The following ZFAT variants were observed in gnomAD, a reference collection of about 807,000 sequenced individuals.
ZFAT encodes the protein zinc finger protein ZFAT.
Under a neutral mutation model 117.7 loss-of-function variants are expected in ZFAT, and 64 were observed. The observed-to-expected ratio is 0.54, with a 90% CI of 0.44 to 0.67. ZFAT has a LOEUF of 0.67. ZFAT is among the 30% of genes least tolerant of loss of function. The probability of loss-of-function intolerance (pLI) is 0.00; values close to 1 mark genes in which losing one functional copy is unlikely to be tolerated. For missense variants in ZFAT, 1,433 were observed against 1,584.5 expected (o/e 0.90, Z 1.62); for synonymous variants, 679 against 615.0 (o/e 1.10, Z -1.54).
chr8:134,518,037 G>A (rs1820375124), intron 13 of ZFAT, among the ~76,000 whole-genome samples: 1 of 152,142 alleles, frequency 6.6e-6, no homozygotes. Context: ...GAGATATTCA[G>A]AGTTTATGTG....
chr8:134,735,677 TTG>T, the ZFAT span, among the ~76,000 whole-genome samples: 2 of 152,148 alleles, frequency 1.3e-5, no homozygotes, highest in African/African-American at 4.8e-5. Flanking sequence ...GTGAGTGGGA[TTG>T]TGTTTCATTT....
upstream of ZFAT, among the ~76,000 whole-genome samples, chr8:134,718,003 A>T (rs902332872): frequency 2.0e-5 from 3 of 152,118 alleles, no homozygotes; most frequent in South Asian, 2.1e-4. Flanking sequence ...TGTAATAACA[A>T]CTGTTTTTAC....
chr8:134,580,818 T>C (rs958880792), intron 10 of ZFAT, among the ~76,000 whole-genome samples: 10 of 151,926 alleles, frequency 6.6e-5, no homozygotes, highest in South Asian at 2.1e-4. Context: ...CTAAAATAAA[T>C]TGCAAGAATA....
At chr8:134,572,161 G>A (rs980227773) in intron 10 of ZFAT, among the ~76,000 whole-genome samples, 3 of 152,128 alleles carry the variant, frequency 2.0e-5, no homozygotes, top group African/African-American at 7.2e-5. Context: ...GTACAGCAAC[G>A]AAGAATTATT....
chr8:134,704,093 C>A (rs762137676), intron 1 of ZFAT, among the ~76,000 whole-genome samples: 1 of 152,088 alleles, frequency 6.6e-6, no homozygotes, highest in African/African-American at 2.4e-5. Flanking sequence ...TGTTAGACAG[C>A]AGGACCAGGA....
chr8:134,497,397 C>CCCG (rs1818536303), intron 15 of ZFAT, among the ~76,000 whole-genome samples: 1 of 152,132 alleles, frequency 6.6e-6, no homozygotes, highest in African/African-American at 2.4e-5. Flanking sequence ...GCAGGATGCC[C>CCCG]CTGCTGCTGG....
At chr8:134,637,819 A>T in intron 2 of ZFAT, 107 bp from the exon 3 acceptor site, 1 of 1,443,886 alleles carries the variant, frequency 6.9e-7, no homozygotes, top group Non-Finnish European at 9.2e-7. Flanking sequence ...GTTTCATTAA[A>T]AATGAAAAGT....
chr8:134,499,929 G>A (rs1818844925), intron 15 of ZFAT, among the ~76,000 whole-genome samples: 1 of 152,210 alleles, frequency 6.6e-6, no homozygotes, highest in Admixed American at 6.5e-5. Context: ...GGAGTAGGAA[G>A]GAGGGGGACA....
chr8:134,781,617 C>T, the ZFAT span, among the ~76,000 whole-genome samples: 7 of 152,152 alleles, frequency 4.6e-5, no homozygotes, highest in African/African-American at 1.2e-4. Flanking sequence ...TTGAACACCA[C>T]GGGTTTGAAA....
chr8:134,639,193 G>A (rs1830444032), intron 2 of ZFAT, among the ~76,000 whole-genome samples: 1 of 152,202 alleles, frequency 6.6e-6, no homozygotes, highest in Non-Finnish European at 1.5e-5. Flanking sequence ...GGCAGAGTCT[G>A]CAGGGACACA....
At chr8:134,509,809 TGCAAAACCAGCC>T in intron 14 of ZFAT, 60 bp from the exon 15 acceptor site, 1 of 1,530,930 alleles carries the variant, frequency 6.5e-7, no homozygotes, top group Non-Finnish European at 8.7e-7. Flanking sequence ...GGACATGGAA[TGCAAAACCAGCC>T]TGTCTGTTCT....
chr8:134,706,015 T>C (rs1834142651), intron 1 of ZFAT, among the ~76,000 whole-genome samples: 1 of 152,110 alleles, frequency 6.6e-6, no homozygotes, highest in African/African-American at 2.4e-5. Context: ...CAACACCAAA[T>C]GCTGGTGAGG....
chr8:134,654,379 A>G (rs1481631939), intron 2 of ZFAT, among the ~76,000 whole-genome samples: 1 of 152,220 alleles, frequency 6.6e-6, no homozygotes, highest in East Asian at 1.9e-4. Context: ...TTACCCACAT[A>G]GTATATTCGC....
intron 11 of ZFAT, among the ~76,000 whole-genome samples, chr8:134,549,643 A>G (rs1822987309): frequency 6.6e-6 from 1 of 152,216 alleles, no homozygotes; most frequent in African/African-American, 2.4e-5. Flanking sequence ...ATGCATATTC[A>G]TAACAAAGGA....
chr8:134,708,813 G>A (rs571065618), intron 1 of ZFAT, among the ~76,000 whole-genome samples: 44 of 152,204 alleles, frequency 2.9e-4, no homozygotes, highest in Admixed American at 4.6e-4. Flanking sequence ...TTAGCGAGGC[G>A]TGGTGGCGCA....
At chr8:134,718,238 C>A in the ZFAT span, among the ~76,000 whole-genome samples, 2 of 152,186 alleles carry the variant, frequency 1.3e-5, no homozygotes, top group African/African-American at 4.8e-5. Context: ...GTGGTTCACA[C>A]CTGTAATTCC....
chr8:134,644,530 C>T (rs1830764897), intron 2 of ZFAT, among the ~76,000 whole-genome samples: 1 of 151,846 alleles, frequency 6.6e-6, no homozygotes, highest in African/African-American at 2.4e-5. Context: ...ACACAAGCAC[C>T]TATACAACCA....
At chr8:134,568,894 G>A (rs941110216) in intron 10 of ZFAT, among the ~76,000 whole-genome samples, 4 of 152,142 alleles carry the variant, frequency 2.6e-5, no homozygotes, top group Non-Finnish European at 5.9e-5. Context: ...TTTCTATCAA[G>A]AGACTTCTGA....
chr8:134,581,751 AT>A (rs768885170), intron 10 of ZFAT, among the ~76,000 whole-genome samples: 2 of 151,926 alleles, frequency 1.3e-5, no homozygotes, highest in Admixed American at 1.3e-4. Flanking sequence ...TGCCCCGTTA[AT>A]TTTTTGTATT....
Sources: gnomAD v4.1 joint callset for allele counts (sites outside exome capture counted in the v4.1 genomes callset) on GRCh38, gnomAD v4.1.1 for gene constraint, MANE v1.5 for transcripts, NCBI Gene and HGNC (gene_info 2026-07-23, HGNC 2026-07-21) for gene names.